The following ANKS1A variants were observed in gnomAD, a reference collection of about 807,000 sequenced individuals.
The protein encoded by ANKS1A is ankyrin repeat and SAM domain-containing protein 1A.
Under a neutral mutation model 120.3 loss-of-function variants are expected in ANKS1A, and 55 were observed. The ratio of observed to expected loss-of-function variants is 0.46; its 90% CI spans 0.37 to 0.57. ANKS1A has a LOEUF of 0.57. Ranked by LOEUF, ANKS1A falls within the 20% of genes least tolerant of loss-of-function variation. The pLI is 0.00. For missense variants in ANKS1A, 1,123 were observed against 1,480.3 expected (o/e 0.76, Z 3.96); for synonymous variants, 590 against 604.7 (o/e 0.98, Z 0.36).
At chr6:35,039,078 G>A (rs887619847) in intron 11 of ANKS1A, among the ~76,000 whole-genome samples, 4 of 31,346 alleles carry the variant, frequency 1.3e-4, no homozygotes, top group Admixed American at 4.1e-4. Context: ...TTGCATGTAT[G>A]TGTGTGTGTG....
In ANKS1A at chr6:35,089,098, C is replaced by T. The variant is rs1778161663; in HGVS notation, c.*489C>T. The stretch of plus-strand genomic sequence containing the variant: ...GGCGGTGGCCTGTGGGTGAGGGGAA[C>T]GGAGCAGGCTCAGGCAGAATTGAGT... On this transcript the variant is annotated 3_prime_UTR_variant, in exon 24 of 24. Coordinates refer to ENST00000360359, the MANE Select transcript of ANKS1A (RefSeq NM_015245.3). 1.9e-6 allele frequency: 2 copies of T among 1,045,392 alleles called. No homozygotes were observed. Among genetic ancestry groups the T allele is most frequent in the Middle Eastern group, 4.7e-4 (1 of 2,108 alleles). 64.8% of individuals were successfully genotyped at this position (1,045,392 alleles called of 1,614,324 possible). A position where few individuals can be genotyped will look rare whatever the true frequency, so the allele number is the denominator to read the frequency against.
At chr6:35,035,924 C>T (rs1218016811) in intron 11 of ANKS1A, among the ~76,000 whole-genome samples, 1 of 152,200 alleles carries the variant, frequency 6.6e-6, no homozygotes, top group Non-Finnish European at 1.5e-5. Flanking sequence ...CCGCTTGCCT[C>T]CTGCTTTACA....
chr6:34,994,503 T>G, intron 10 of ANKS1A, 81 bp downstream of exon 10: 1 of 1,551,200 alleles, frequency 6.4e-7, no homozygotes, highest in South Asian at 1.2e-5. Context: ...GGGGAAGATG[T>G]CGTAACTATG....
At chr6:35,034,613 A>G (rs1418540677) in intron 11 of ANKS1A, among the ~76,000 whole-genome samples, 1 of 152,246 alleles carries the variant, frequency 6.6e-6, no homozygotes, top group Non-Finnish European at 1.5e-5. Context: ...TACATTAATT[A>G]AAAGATATTT....
chr6:35,093,043 G>C (rs1778355594), downstream of ANKS1A, among the ~76,000 whole-genome samples: 1 of 151,942 alleles, frequency 6.6e-6, no homozygotes, highest in Non-Finnish European at 1.5e-5. Context: ...GGGACAGGCC[G>C]ACTATCTAGT....
rs1029991781 is a variant in ANKS1A at position 35,044,176 on chromosome 6, C to T, written c.2011-9923C>T. On this transcript the variant is annotated intron_variant, in intron 11 of 23. Transcript: ENST00000360359. This position sits in a 1 kb window ranked among gnomAD's most constrained non-coding sequence, Gnocchi z 4.4. ...GTGGAAGCAGAAGACCATGGGTGTG[C>T]GGGAGCAAGCCTGCCCAGTGTGGAC... is the stretch of plus-strand genomic sequence containing the variant. 1.3e-5 allele frequency among the ~76,000 whole-genome samples: 2 copies of T among 152,186 alleles called. No individual in the cohort carries two copies. The highest frequency in any genetic ancestry group is 4.8e-5 in the African/African-American group (2 of 41,438).
At chr6:34,960,202 T>C (rs1224055703) in intron 1 of ANKS1A, among the ~76,000 whole-genome samples, 1 of 152,218 alleles carries the variant, frequency 6.6e-6, no homozygotes, top group East Asian at 1.9e-4. Flanking sequence ...TTCTCAAAGA[T>C]CACCTTCTTA....
At chr6:35,013,212 G>A (rs544305567) in intron 10 of ANKS1A, among the ~76,000 whole-genome samples, 1 of 152,294 alleles carries the variant, frequency 6.6e-6, no homozygotes, top group South Asian at 2.1e-4. Context: ...AAGTAATCAG[G>A]CTTTCCTTTT....
At chr6:35,002,522 A>G (rs1773226888) in intron 10 of ANKS1A, among the ~76,000 whole-genome samples, 1 of 152,214 alleles carries the variant, frequency 6.6e-6, no homozygotes, top group Non-Finnish European at 1.5e-5. Flanking sequence ...AAAGATAGCT[A>G]CAGTCCTATT....
intron 1 of ANKS1A, among the ~76,000 whole-genome samples, chr6:34,917,749 G>A (rs1190386803): frequency 6.6e-6 from 1 of 152,208 alleles, no homozygotes; most frequent in Admixed American, 6.5e-5. Context: ...GAAGGCCTAT[G>A]GCCCAGATGG....
chr6:34,935,809 TCC>T (rs1489556419), intron 1 of ANKS1A, among the ~76,000 whole-genome samples: 1 of 151,822 alleles, frequency 6.6e-6, no homozygotes, highest in African/African-American at 2.4e-5. Flanking sequence ...ACGCCTGTAA[TCC>T]CAGCACTTTG....
intron 10 of ANKS1A, among the ~76,000 whole-genome samples, chr6:35,015,182 T>C (rs1441018526): frequency 6.6e-6 from 1 of 152,080 alleles, no homozygotes; most frequent in Non-Finnish European, 1.5e-5. Flanking sequence ...GTGGTCAAGT[T>C]TGAAAGTCCC....
In ANKS1A at chr6:35,060,762, G is replaced by A. The variant is rs1776454970; in HGVS notation, c.2184+509G>A. ...GAAAGGCTGAGTTGATGGCCTGGAGGATTGGTTGCTTCTTTGAGAAGCTCT... is the reference window on the plus strand; with the variant it reads ...GAAAGGCTGAGTTGATGGCCTGGAGAATTGGTTGCTTCTTTGAGAAGCTCT... On this transcript the variant is annotated intron_variant, in intron 13 of 23. Transcript: ENST00000360359. This position sits in a 1 kb window ranked among gnomAD's most constrained non-coding sequence, Gnocchi z 4.5. Among the ~76,000 whole-genome samples, 1 of 152,216 alleles carries A rather than the reference G, an allele frequency of 6.6e-6. No homozygotes were observed. Among genetic ancestry groups the A allele is most frequent in the South Asian group, 2.1e-4 (1 of 4,824 alleles).
chr6:35,096,771 G>A, the ANKS1A span, among the ~76,000 whole-genome samples: 1 of 152,254 alleles, frequency 6.6e-6, no homozygotes, highest in East Asian at 1.9e-4. Flanking sequence ...AAACGCTAAG[G>A]CATGCCAGGT....
chr6:34,987,466 G>C (rs757640870), intron 8 of ANKS1A, among the ~76,000 whole-genome samples: 2 of 152,090 alleles, frequency 1.3e-5, no homozygotes, highest in Admixed American at 6.5e-5. Context: ...ATGGATACAG[G>C]CCTGCTCCTT....
chr6:34,966,525 C>G (rs1427039761), intron 1 of ANKS1A, among the ~76,000 whole-genome samples: 1 of 152,142 alleles, frequency 6.6e-6, no homozygotes, highest in Non-Finnish European at 1.5e-5. Context: ...CTAGCCAATG[C>G]AGTAAAGTTT....
intron 16 of ANKS1A, among the ~76,000 whole-genome samples, chr6:35,080,420 G>A (rs1581751807): frequency 1.3e-5 from 2 of 152,340 alleles, no homozygotes; most frequent in Middle Eastern, 6.8e-3. Context: ...CTCTCCCCCA[G>A]CCCCAGGCCA....
rs147412040 is a variant in ANKS1A, at chr6:35,008,053, A to G, written c.1424-9420A>G. The stretch of plus-strand genomic sequence containing the variant: ...TTAATGAGATTTCAGGAAGAAGAGA[A>G]AATAGGTACCTGTGTTCGATCTATC... On this transcript the variant is annotated intron_variant, in intron 10 of 23. Coordinates refer to ENST00000360359, the MANE Select transcript of ANKS1A (RefSeq NM_015245.3). 1.5e-3 allele frequency among the ~76,000 whole-genome samples: 225 copies of G among 152,324 alleles called. 1 individual carries two copies. Among genetic ancestry groups the G allele is most frequent in the African/African-American group, 5.3e-3 (221 of 41,566 alleles).
chr6:34,921,665 G>A (rs569372349), intron 1 of ANKS1A, among the ~76,000 whole-genome samples: 1 of 152,302 alleles, frequency 6.6e-6, no homozygotes, highest in East Asian at 1.9e-4. Flanking sequence ...CACCCAAGCT[G>A]AGGGGCACAA....
Sources: allele counts gnomAD v4.1 joint callset (sites outside exome capture counted in the v4.1 genomes callset), GRCh38; gene constraint gnomAD v4.1.1; non-coding constraint Gnocchi (gnomAD v3.1); transcripts MANE v1.5; gene names NCBI Gene and HGNC (gene_info 2026-07-23, HGNC 2026-07-21).